NBEAL1: variants seen among roughly 807,000 people sequenced by gnomAD.
NBEAL1 encodes neurobeachin-like protein 1.
NBEAL1 carries 273 observed loss-of-function variants against 351.3 expected under a neutral mutation model. The ratio of observed to expected loss-of-function variants is 0.78; its 90% confidence interval spans 0.70 to 0.86. The LOEUF (loss-of-function observed/expected upper bound fraction) is 0.86. Among genes scored for constraint, NBEAL1 ranks in the 40% least tolerant of loss-of-function variants. The pLI, the probability that NBEAL1 is intolerant of heterozygous loss-of-function variation, is 0.00. For missense variants in NBEAL1, 2,961 were observed against 3,201.3 expected, an observed-to-expected ratio of 0.92 and a Z score of 1.81; for synonymous variants, 1,050 against 1,086.4, an observed-to-expected ratio of 0.97 and a Z score of 0.66.
At chr2:203,069,716 T>G (rs1160309851) in intron 7 of NBEAL1, among the ~76,000 whole-genome samples, 1 of 152,214 alleles carries the variant, frequency 6.6e-6, no homozygotes, top group African/African-American at 2.4e-5. Flanking sequence ...AGTGCAGTAG[T>G]GCAATCATAG....
rs768066154 is a variant in NBEAL1 at position 203,221,725 on chromosome 2, A to G, written c.*4371A>G. Among the ~76,000 whole-genome samples the G allele has an allele frequency of 1.3e-5, 2 of 152,218 alleles. No homozygotes were observed. Among genetic ancestry groups the G allele is most frequent in the Non-Finnish European group, 2.9e-5 (2 of 68,042 alleles). On this transcript the variant is annotated 3_prime_UTR_variant, in exon 56 of 56. Transcript: ENST00000683969. Reference sequence around the variant, plus strand: ...CTGAATTCGTATATTGTATATGCTCAACATATTATTTGTTTTAAACTTGAC... The same window carrying G: ...CTGAATTCGTATATTGTATATGCTCGACATATTATTTGTTTTAAACTTGAC...
intron 27 of NBEAL1, among the ~76,000 whole-genome samples, 176 bp downstream of exon 27, chr2:203,133,322 A>G (rs1180002332): frequency 2.6e-5 from 4 of 152,134 alleles, no homozygotes; most frequent in African/African-American, 9.7e-5. Context: ...ATAAGAAATT[A>G]GCATGTGAAT....
At chr2:203,209,504 C>A (rs1030461426) in intron 53 of NBEAL1, among the ~76,000 whole-genome samples, 182 bp downstream of exon 53, 4 of 152,144 alleles carry the variant, frequency 2.6e-5, no homozygotes, top group South Asian at 2.1e-4. Flanking sequence ...CGTAGCCTCA[C>A]ATTAGTATTT....
chr2:203,189,664 G>C (rs1324065498), intron 45 of NBEAL1, among the ~76,000 whole-genome samples: 1 of 152,000 alleles, frequency 6.6e-6, no homozygotes, highest in Non-Finnish European at 1.5e-5. Flanking sequence ...TGGGATTACA[G>C]GCGTGACCCA....
intron 43 of NBEAL1, chr2:203,181,586 T>C (rs930726796): frequency 2.6e-5 from 4 of 152,200 alleles, no homozygotes; most frequent in African/African-American, 7.2e-5. Flanking sequence ...TGGTGTTCTT[T>C]AGGGAGGTTC....
chr2:203,172,067 T>TA, intron 40 of NBEAL1, 44 bp downstream of exon 40: 1 of 1,168,120 alleles, frequency 8.6e-7, no homozygotes, highest in Non-Finnish European at 1.2e-6. Flanking sequence ...TGCCCTACAG[T>TA]TTTATAAATC....
chr2:203,046,985 A>AC (rs1422098187), intron 3 of NBEAL1, among the ~76,000 whole-genome samples: 1 of 152,122 alleles, frequency 6.6e-6, no homozygotes, highest in African/African-American at 2.4e-5. Flanking sequence ...GACCTGCCTG[A>AC]CCAACATGGA....
chr2:203,132,450 A>G (rs989367111), intron 26 of NBEAL1, among the ~76,000 whole-genome samples: 2 of 152,176 alleles, frequency 1.3e-5, no homozygotes, highest in Non-Finnish European at 2.9e-5. Flanking sequence ...AATGAAAACT[A>G]ATTTCAGATA....
chr2:203,191,546 AT>A (rs1053806637), intron 46 of NBEAL1, among the ~76,000 whole-genome samples: 9 of 152,276 alleles, frequency 5.9e-5, no homozygotes, highest in East Asian at 3.9e-4. Flanking sequence ...GTACAAAAAA[AT>A]ATATCATTTA....
chr2:203,191,785 C>T (rs897733476), intron 46 of NBEAL1, among the ~76,000 whole-genome samples: 1 of 152,184 alleles, frequency 6.6e-6, no homozygotes, highest in Non-Finnish European at 1.5e-5. Context: ...GCCTTTCTAG[C>T]ATGCCATGTT....
intron 12 of NBEAL1, among the ~76,000 whole-genome samples, chr2:203,099,969 T>A (rs557677252): frequency 6.6e-6 from 1 of 152,300 alleles, no homozygotes; most frequent in South Asian, 2.1e-4. Flanking sequence ...AGTGTTTGGC[T>A]CCCACTTATA....
In NBEAL1 at chr2:203,221,095, G is replaced by A. The variant is rs1340333009; in HGVS notation, c.*3741G>A. On this transcript the variant is annotated 3_prime_UTR_variant, in exon 56 of 56. Coordinates refer to ENST00000683969, the MANE Select transcript of NBEAL1 (RefSeq NM_001378026.1). ...CTCAGAATTAGAATTCAGATTTGACGGTTGAATCTTAAGACATTTTATATT... is the reference window on the plus strand; with the variant it reads ...CTCAGAATTAGAATTCAGATTTGACAGTTGAATCTTAAGACATTTTATATT... Among the ~76,000 whole-genome samples the A allele has an allele frequency of 1.3e-5, 2 of 151,942 alleles. No homozygotes were observed. The highest frequency in any genetic ancestry group is 2.1e-4 in the South Asian group (1 of 4,820).
intron 3 of NBEAL1, among the ~76,000 whole-genome samples, chr2:203,049,293 G>C (rs1212884717): frequency 6.6e-6 from 1 of 152,090 alleles, no homozygotes; most frequent in South Asian, 2.1e-4. Context: ...TCCTAACCTC[G>C]TGATCCACCC....
chr2:203,206,590 A>G (rs2105829928), intron 51 of NBEAL1, among the ~76,000 whole-genome samples: 1 of 41,652 alleles, frequency 2.4e-5, no homozygotes, highest in South Asian at 1.4e-3. Context: ...TGGTTTTCGT[A>G]TTTTTTGGGT....
At chr2:203,019,041 T>G (rs2060726382) in intron 2 of NBEAL1, among the ~76,000 whole-genome samples, 1 of 152,224 alleles carries the variant, frequency 6.6e-6, no homozygotes, top group African/African-American at 2.4e-5. Flanking sequence ...CTTCACCATA[T>G]TTTTATTCTT....
At chr2:203,203,677 G>C (rs1416218572) in intron 51 of NBEAL1, among the ~76,000 whole-genome samples, 1 of 152,034 alleles carries the variant, frequency 6.6e-6, no homozygotes. Flanking sequence ...CTGCACTCCA[G>C]CCCGGGTGAC....
intron 17 of NBEAL1, among the ~76,000 whole-genome samples, chr2:203,114,878 A>G (rs1216936490): frequency 2.0e-5 from 3 of 150,208 alleles, no homozygotes; most frequent in African/African-American, 7.3e-5. Context: ...CAGCCTCCCA[A>G]GTAGCTAGGA....
chr2:203,157,730 A>G lies in NBEAL1; in HGVS notation c.5619A>G (p.Thr1873=). ...GIQHSQPSSD[T]LLLEVVKQVK... is the part of the protein sequence containing the mutation. ...AACACTCACAGCCTTCCAGTGATAC[A>G]TTGCTTTTGGAAGTAGTGAAACAAG... The change falls in exon 36 of 56, where the codon ACA becomes ACG. Residue 1873 remains threonine, a synonymous_variant. Coordinates refer to ENST00000683969, the MANE Select transcript of NBEAL1 (RefSeq NM_001378026.1). 2 of 1,600,626 alleles carry G rather than the reference A, an allele frequency of 1.2e-6. No homozygotes were observed. Among genetic ancestry groups the G allele is most frequent in the East Asian group, 2.3e-5 (1 of 44,060 alleles).
intron 7 of NBEAL1, among the ~76,000 whole-genome samples, chr2:203,077,037 C>A (rs527463712): frequency 1.3e-5 from 2 of 152,166 alleles, no homozygotes; most frequent in East Asian, 3.9e-4. Flanking sequence ...CCAATAGTAA[C>A]CTTTCTTTTA....
Sources: allele counts gnomAD v4.1 joint callset (sites outside exome capture counted in the v4.1 genomes callset), GRCh38; gene constraint gnomAD v4.1.1; transcripts MANE v1.5; gene names NCBI Gene and HGNC (gene_info 2026-07-23, HGNC 2026-07-21).